Variants in PPARGC1A observed in about 807,000 individuals in gnomAD.
PPARGC1A encodes peroxisome proliferator-activated receptor gamma coactivator 1-alpha.
PPARGC1A carries 25 observed loss-of-function variants against 88.7 expected under a neutral mutation model. That is an observed-to-expected ratio of 0.28 (90% confidence interval 0.21 to 0.39). The LOEUF is 0.39. PPARGC1A is among the 10% of genes least tolerant of loss of function. The pLI, the probability that PPARGC1A is intolerant of heterozygous loss-of-function variation, is 1.00. For synonymous variants in PPARGC1A, 363 were observed against 355.6 expected, an observed-to-expected ratio of 1.02 and a Z score of -0.24; for missense variants, 880 against 968.7, an observed-to-expected ratio of 0.91 and a Z score of 1.22.
the PPARGC1A span, among the ~76,000 whole-genome samples, chr4:24,207,254 C>G: frequency 6.6e-6 from 1 of 152,096 alleles, no homozygotes; most frequent in Admixed American, 6.5e-5. Flanking sequence ...ACTTTTTGAA[C>G]AAAAGGGACA....
chr4:24,363,084 G>A, the PPARGC1A span, among the ~76,000 whole-genome samples: 1 of 152,202 alleles, frequency 6.6e-6, no homozygotes, highest in East Asian at 1.9e-4. Context: ...ACAGGAAAAT[G>A]TGTCTGGAGA....
the PPARGC1A span, among the ~76,000 whole-genome samples, chr4:24,422,183 A>G: frequency 1.3e-5 from 2 of 152,240 alleles, no homozygotes; most frequent in Non-Finnish European, 2.9e-5. Flanking sequence ...GGCTGTTTTC[A>G]TGCCACAGCA....
At position 23,852,431 on chromosome 4, in the gene PPARGC1A, C is replaced by G. The variant is rs543736970; in HGVS notation, c.235-20680G>C. On this transcript the variant is annotated intron_variant, in intron 2 of 12. Transcript: ENST00000264867. ...CCTCAGATTTCCACTGTCTCCACCC[C>G]TACAGCCCTGACATAGAATTTTCAT... 4.7e-5 allele frequency among the ~76,000 whole-genome samples: 7 copies of G among 148,212 alleles called. No homozygotes were observed. The South Asian group carries it at 1.5e-3, about 31-fold the overall frequency.
chr4:23,979,461 G>A, the PPARGC1A span, among the ~76,000 whole-genome samples: 2 of 152,090 alleles, frequency 1.3e-5, no homozygotes, highest in African/African-American at 4.8e-5. Context: ...CTAACACAGT[G>A]CACATAAAGT....
chr4:24,033,585 A>T, the PPARGC1A span, among the ~76,000 whole-genome samples: 1 of 152,218 alleles, frequency 6.6e-6, no homozygotes, highest in Non-Finnish European at 1.5e-5. Flanking sequence ...TTAGAATTGA[A>T]AGAACACATC....
At chr4:23,986,180 G>C in the PPARGC1A span, among the ~76,000 whole-genome samples, 1 of 152,048 alleles carries the variant, frequency 6.6e-6, no homozygotes, top group South Asian at 2.1e-4. Context: ...CACTTGGAAG[G>C]TAAAGTGTTC....
At chr4:24,378,626 T>C in the PPARGC1A span, among the ~76,000 whole-genome samples, 1 of 152,198 alleles carries the variant, frequency 6.6e-6, no homozygotes, top group African/African-American at 2.4e-5. Context: ...AATGATTTCA[T>C]GAAAGAGTTG....
the PPARGC1A span, among the ~76,000 whole-genome samples, chr4:24,288,336 G>A: frequency 6.6e-6 from 1 of 152,104 alleles, no homozygotes; most frequent in Non-Finnish European, 1.5e-5. Flanking sequence ...AAGGCCATAT[G>A]GTGATTTTTG....
At chr4:24,441,393 T>G in the PPARGC1A span, among the ~76,000 whole-genome samples, 2 of 152,208 alleles carry the variant, frequency 1.3e-5, no homozygotes, top group Non-Finnish European at 2.9e-5. Context: ...GGGGTGCTGC[T>G]GGGAGGACAT....
At chr4:24,390,515 G>A in the PPARGC1A span, among the ~76,000 whole-genome samples, 3 of 151,960 alleles carry the variant, frequency 2.0e-5, no homozygotes, top group Non-Finnish European at 4.4e-5. Flanking sequence ...TTATATGCAT[G>A]TTATGCACAT....
At chr4:24,265,053 A>G in the PPARGC1A span, among the ~76,000 whole-genome samples, 29 of 152,196 alleles carry the variant, frequency 1.9e-4, no homozygotes, top group African/African-American at 6.5e-4. Flanking sequence ...TGTTTCCCCA[A>G]TGTATGTGAC....
chr4:24,012,765 A>T, the PPARGC1A span, among the ~76,000 whole-genome samples: 1 of 152,144 alleles, frequency 6.6e-6, no homozygotes, highest in Non-Finnish European at 1.5e-5. Context: ...TTGGGAATAA[A>T]AGATATATTT....
chr4:24,053,640 A>G, the PPARGC1A span, among the ~76,000 whole-genome samples: 1 of 152,236 alleles, frequency 6.6e-6, no homozygotes, highest in Non-Finnish European at 1.5e-5. Context: ...ACAGTCAGAC[A>G]TAGGTGGGTT....
the PPARGC1A span, among the ~76,000 whole-genome samples, chr4:24,184,715 C>T: frequency 6.6e-6 from 1 of 152,138 alleles, no homozygotes; most frequent in Non-Finnish European, 1.5e-5. Context: ...TCAGAGCTGA[C>T]CTGAAATTCC....
chr4:23,844,647 T>TTATAATATATGATATATATCATATTATAA (rs58341361), intron 2 of PPARGC1A, among the ~76,000 whole-genome samples: 1 of 94,478 alleles, frequency 1.1e-5, no homozygotes, highest in African/African-American at 4.6e-5. Flanking sequence ...ATATATCATA[T>TTATAATATATGATATATATCATATTATAA]TATATGATAT....
chr4:24,419,640 G>A, the PPARGC1A span, among the ~76,000 whole-genome samples: 4 of 151,750 alleles, frequency 2.6e-5, no homozygotes, highest in African/African-American at 9.7e-5. Flanking sequence ...AGCTAGGGGC[G>A]CACTCATTCT....
At chr4:24,215,763 T>A in the PPARGC1A span, among the ~76,000 whole-genome samples, 1 of 152,140 alleles carries the variant, frequency 6.6e-6, no homozygotes, top group Non-Finnish European at 1.5e-5. Flanking sequence ...TGGGGAGATA[T>A]CCACATTGAA....
chr4:24,198,224 T>C, the PPARGC1A span, among the ~76,000 whole-genome samples: 3 of 152,208 alleles, frequency 2.0e-5, no homozygotes, highest in East Asian at 1.9e-4. Flanking sequence ...AATTGGAACC[T>C]CTAAATAACC....
the PPARGC1A span, among the ~76,000 whole-genome samples, chr4:24,117,576 G>A: frequency 1.3e-5 from 2 of 150,842 alleles, no homozygotes; most frequent in African/African-American, 2.4e-5. Flanking sequence ...GGCAAAAAAC[G>A]TGTCTTTGCA....
Sources: gnomAD v4.1 joint callset for allele counts (sites outside exome capture counted in the v4.1 genomes callset) on GRCh38, gnomAD v4.1.1 for gene constraint, MANE v1.5 for transcripts, NCBI Gene and HGNC (gene_info 2026-07-23, HGNC 2026-07-21) for gene names.